Variants in EHMT1 observed in about 807,000 individuals in gnomAD.
The protein encoded by EHMT1 is histone-lysine N-methyltransferase EHMT1.
A neutral mutation model predicts 147.2 loss-of-function variants in EHMT1; 15 were observed. The observed-to-expected ratio is 0.10, with a 90% CI of 0.07 to 0.16. EHMT1 has a LOEUF of 0.16. EHMT1 is among the 10% of genes least tolerant of loss of function. EHMT1 has a pLI of 1.00. For missense variants in EHMT1, 1,587 were observed against 1,772.4 expected (o/e 0.90, Z 1.88); for synonymous variants, 795 against 709.6 (o/e 1.12, Z -1.91).
At chr9:137,811,819 C>T (rs1954510578) in intron 19 of EHMT1, among the ~76,000 whole-genome samples, 1 of 152,212 alleles carries the variant, frequency 6.6e-6, no homozygotes, top group African/African-American at 2.4e-5. Flanking sequence ...TGGTTTATTT[C>T]TGGGTTAGGG....
chr9:137,670,868 T>C (rs1173788984), intron 1 of EHMT1, among the ~76,000 whole-genome samples: 2 of 152,204 alleles, frequency 1.3e-5, no homozygotes, highest in Admixed American at 1.3e-4. Flanking sequence ...GCCGTCTTCC[T>C]TCTGGGAGGG....
chr9:137,716,765 C>T lies in EHMT1; in HGVS notation c.225C>T (p.Asp75=), dbSNP rs984124935. The change falls in exon 3 of 27, where the codon GAC becomes GAT. Residue 75 remains aspartate, a synonymous_variant. Coordinates refer to ENST00000460843, the MANE Select transcript of EHMT1 (RefSeq NM_024757.5). ...SHANAAKHTQ[D]SARVNPQDGT... ...CAAATGCTGCAAAGCACACTCAGGA[C>T]AGCGCAAGGGTCAACCCCCAGGATG... 2.5e-6 allele frequency: 4 copies of T among 1,612,884 alleles called. No homozygotes were observed. Among genetic ancestry groups the T allele is most frequent in the African/African-American group, 2.7e-5 (2 of 74,860 alleles).
chr9:137,648,993 A>T (rs1262950170), intron 1 of EHMT1, among the ~76,000 whole-genome samples: 1 of 152,224 alleles, frequency 6.6e-6, no homozygotes, highest in Non-Finnish European at 1.5e-5. Context: ...CCACCCAAAA[A>T]GCCAGAGACT....
chr9:137,658,581 T>A lies in EHMT1; in HGVS notation c.21+39532T>A, dbSNP rs369199721. Among the ~76,000 whole-genome samples, 29 of 152,262 alleles carry A rather than the reference T, an allele frequency of 1.9e-4. No individual in the cohort carries two copies. The South Asian group carries it at 3.3e-3, about 17-fold the overall frequency. ...TCTGCAATTATCTTTTGTTTTTTTT[T>A]AATGGCTTTTTATAAAATTGCATAG... On this transcript the variant is annotated intron_variant, in intron 1 of 26. Coordinates refer to ENST00000460843, the MANE Select transcript of EHMT1 (RefSeq NM_024757.5).
intron 18 of EHMT1, chr9:137,803,034 C>G: frequency 8.1e-7 from 1 of 1,231,278 alleles, no homozygotes; most frequent in South Asian, 4.1e-5. Context: ...ACCCACCGCC[C>G]CCGGAGACTG....
intron 1 of EHMT1, among the ~76,000 whole-genome samples, chr9:137,660,610 A>G (rs1237023931): frequency 6.6e-6 from 1 of 152,218 alleles, no homozygotes; most frequent in African/African-American, 2.4e-5. Context: ...TCGGATATTA[A>G]TTGGAATTGC....
At chr9:137,766,677 A>G (rs1950239766) in intron 10 of EHMT1, among the ~76,000 whole-genome samples, 1 of 152,184 alleles carries the variant, frequency 6.6e-6, no homozygotes, top group Non-Finnish European at 1.5e-5. Flanking sequence ...TCTGATATTA[A>G]CATAGCTACT....
At chr9:137,831,927 C>T (rs1419542696) in intron 25 of EHMT1, among the ~76,000 whole-genome samples, 3 of 151,724 alleles carry the variant, frequency 2.0e-5, no homozygotes, top group Non-Finnish European at 4.4e-5. Flanking sequence ...GGGCTCCCTC[C>T]ACAGGCTCCG....
chr9:137,625,992 A>C (rs996267075), intron 1 of EHMT1, among the ~76,000 whole-genome samples: 1 of 150,246 alleles, frequency 6.7e-6, no homozygotes. Context: ...AGTAGCTGGA[A>C]TCACAGGCAT....
intron 1 of EHMT1, among the ~76,000 whole-genome samples, chr9:137,631,253 G>A (rs550217700): frequency 4.6e-5 from 7 of 152,110 alleles, no homozygotes; most frequent in African/African-American, 1.4e-4. Context: ...TTAGCCGGGC[G>A]TGATGGCGGG....
intron 16 of EHMT1, among the ~76,000 whole-genome samples, chr9:137,798,145 G>A (rs1205144682): frequency 3.9e-5 from 6 of 152,200 alleles, no homozygotes; most frequent in African/African-American, 9.6e-5. Flanking sequence ...TCCCAGTTAC[G>A]ATGCCTACGA....
At chr9:137,823,568 C>T (rs1461188564) in intron 25 of EHMT1, 2 of 235,418 alleles carry the variant, frequency 8.5e-6, no homozygotes, top group Admixed American at 5.9e-5. Flanking sequence ...CCCGCCACCA[C>T]GCCCAGCTAA....
chr9:137,783,753 G>A (rs1452450394), intron 15 of EHMT1, among the ~76,000 whole-genome samples: 2 of 152,308 alleles, frequency 1.3e-5, no homozygotes, highest in African/African-American at 2.4e-5. Context: ...GCGACGGGGC[G>A]CACCGTCTGC....
intron 18 of EHMT1, among the ~76,000 whole-genome samples, chr9:137,809,102 T>C (rs929423598): frequency 6.6e-6 from 1 of 151,970 alleles, no homozygotes; most frequent in Non-Finnish European, 1.5e-5. Flanking sequence ...GCAGAGGCTC[T>C]TCAGGAAATC....
chr9:137,669,658 C>G (rs183692906), intron 1 of EHMT1, among the ~76,000 whole-genome samples: 6 of 152,032 alleles, frequency 3.9e-5, no homozygotes, highest in African/African-American at 1.4e-4. Context: ...CTCTTCGGAG[C>G]ATTCATTGCC....
chr9:137,787,970 C>T lies in EHMT1; in HGVS notation c.2383-2878C>T. ...AGGCCCTGTGTCCCCCACTGGACAGCCCCCCAGGAACTGAGGTGCCCTGCA... is the reference window on the plus strand; with the variant it reads ...AGGCCCTGTGTCCCCCACTGGACAGTCCCCCAGGAACTGAGGTGCCCTGCA... On this transcript the variant is annotated intron_variant, in intron 15 of 26. Coordinates refer to ENST00000460843, the MANE Select transcript of EHMT1 (RefSeq NM_024757.5). This position sits in a 1 kb window ranked among gnomAD's most constrained non-coding sequence, Gnocchi z 4.2. 3 of 1,485,018 alleles carry T rather than the reference C, an allele frequency of 2.0e-6. No individual in the cohort carries two copies. Among genetic ancestry groups the T allele is most frequent in the Non-Finnish European group, 1.9e-6 (2 of 1,070,616 alleles). 92.0% of individuals were successfully genotyped at this position (1,485,018 alleles called of 1,614,324 possible).
intron 25 of EHMT1, among the ~76,000 whole-genome samples, chr9:137,824,229 G>T (rs1955655910): frequency 6.6e-6 from 1 of 152,166 alleles, no homozygotes; most frequent in South Asian, 2.1e-4. Flanking sequence ...CTCCAGCCTG[G>T]CCTGTCTCTC....
intron 1 of EHMT1, among the ~76,000 whole-genome samples, chr9:137,673,979 A>G (rs1445955104): frequency 1.3e-5 from 2 of 152,152 alleles, no homozygotes; most frequent in South Asian, 2.1e-4. Flanking sequence ...GGGCAGGACA[A>G]TCTGTTGTCT....
At chr9:137,669,847 C>G (rs1223310003) in intron 1 of EHMT1, among the ~76,000 whole-genome samples, 1 of 152,074 alleles carries the variant, frequency 6.6e-6, no homozygotes, top group East Asian at 1.9e-4. Context: ...GCCATGATGC[C>G]TGGGCCAAAA....
Sources: gnomAD v4.1 joint callset for allele counts (sites outside exome capture counted in the v4.1 genomes callset) on GRCh38, gnomAD v4.1.1 for gene constraint, Gnocchi (gnomAD v3.1) non-coding constraint, MANE v1.5 for transcripts, NCBI Gene and HGNC (gene_info 2026-07-23, HGNC 2026-07-21) for gene names.